The following STK3 variants were observed in gnomAD, a reference collection of about 807,000 sequenced individuals.
The protein encoded by STK3 is serine/threonine kinase 3.
STK3 carries 41 observed loss-of-function variants against 58.0 expected under a neutral mutation model. That is an observed-to-expected ratio of 0.71 (90% confidence interval 0.55 to 0.92). The LOEUF (loss-of-function observed/expected upper bound fraction) is 0.92, where lower values mean the gene tolerates loss of function less well. Among genes scored for constraint, STK3 ranks in the 40% least tolerant of loss-of-function variants. STK3 has a pLI of 0.00. For synonymous variants in STK3, 170 were observed against 191.0 expected (o/e 0.89, Z 0.91); for missense variants, 479 against 602.7 (o/e 0.79, Z 2.15).
At chr8:98,436,383 C>G (rs1019851422) in intron 2 of STK3, among the ~76,000 whole-genome samples, 1 of 152,188 alleles carries the variant, frequency 6.6e-6, no homozygotes, top group Admixed American at 6.5e-5. Flanking sequence ...CCACATCACC[C>G]ATGTGCATTG....
intron 1 of STK3, among the ~76,000 whole-genome samples, chr8:98,891,511 C>A (rs1838198104): frequency 6.6e-6 from 1 of 152,042 alleles, no homozygotes; most frequent in Non-Finnish European, 1.5e-5. Context: ...CATGGTATAG[C>A]ACTCTTGATA....
intron 6 of STK3, among the ~76,000 whole-genome samples, chr8:98,643,233 C>A (rs1180630390): frequency 6.6e-6 from 1 of 152,030 alleles, no homozygotes; most frequent in African/African-American, 2.4e-5. Context: ...AAATAAAATA[C>A]AATAAATGAA....
the STK3 span, among the ~76,000 whole-genome samples, chr8:98,350,313 A>C: frequency 6.6e-6 from 1 of 152,268 alleles, no homozygotes; most frequent in Non-Finnish European, 1.5e-5. Context: ...TCCATCTGAG[A>C]CCATCTCAGC....
At chr8:98,564,759 A>AT (rs34114556) in intron 8 of STK3, among the ~76,000 whole-genome samples, 10 of 152,116 alleles carry the variant, frequency 6.6e-5, no homozygotes, top group Admixed American at 3.9e-4. Flanking sequence ...TTATATATCA[A>AT]TTTTTTTTAA....
intron 1 of STK3, among the ~76,000 whole-genome samples, chr8:98,789,090 A>G (rs560363445): frequency 6.6e-6 from 1 of 152,370 alleles, no homozygotes; most frequent in East Asian, 1.9e-4. Context: ...ATAAAATGGA[A>G]AATCAACTCT....
chr8:98,910,991 G>A (rs180900149), intron 1 of STK3, among the ~76,000 whole-genome samples: 72 of 152,318 alleles, frequency 4.7e-4, no homozygotes, highest in Admixed American at 9.8e-4. Context: ...CTTCTGGTGA[G>A]GTCCATATAT....
At chr8:98,713,992 A>G (rs1197555774) in intron 4 of STK3, among the ~76,000 whole-genome samples, 1 of 152,208 alleles carries the variant, frequency 6.6e-6, no homozygotes, top group Admixed American at 6.5e-5. Context: ...AAATGAATAA[A>G]CATAATCCAG....
upstream of STK3, among the ~76,000 whole-genome samples, chr8:98,829,831 T>C (rs539506658): frequency 6.6e-6 from 1 of 152,324 alleles, no homozygotes; most frequent in South Asian, 2.1e-4. Context: ...ATTTACATTC[T>C]GGTTGGGGAA....
At chr8:98,778,230 C>G (rs1279258552) in intron 1 of STK3, among the ~76,000 whole-genome samples, 40 of 152,088 alleles carry the variant, frequency 2.6e-4, no homozygotes, top group Admixed American at 3.3e-4. Flanking sequence ...GATATGAACA[C>G]ACACTTCTCA....
chr8:98,907,309 C>T (rs981987986), intron 1 of STK3, among the ~76,000 whole-genome samples: 2 of 151,960 alleles, frequency 1.3e-5, no homozygotes, highest in African/African-American at 2.4e-5. Flanking sequence ...TTCAGGAGAT[C>T]GAGACCATCC....
chr8:98,709,280 A>C (rs927047695), intron 4 of STK3, among the ~76,000 whole-genome samples: 1 of 152,170 alleles, frequency 6.6e-6, no homozygotes, highest in African/African-American at 2.4e-5. Flanking sequence ...ACATTCAAGA[A>C]GGCCCAAAAG....
chr8:98,941,157 T>A (rs112392122), intron 1 of STK3, among the ~76,000 whole-genome samples: 2,499 of 152,342 alleles, frequency 0.016, 75 homozygotes, highest in African/African-American at 0.057. Flanking sequence ...GGCTGCGGAC[T>A]GCAGCCCGCG....
intron 1 of STK3, among the ~76,000 whole-genome samples, chr8:98,896,320 G>A (rs953383193): frequency 2.6e-5 from 4 of 152,122 alleles, no homozygotes; most frequent in Admixed American, 6.5e-5. Context: ...CTTTATGAAA[G>A]CAAAAAACTG....
Position 98,643,173 on chromosome 8 carries a change from G to A in STK3, c.685-47004C>T, listed in dbSNP as rs554908230. Among the ~76,000 whole-genome samples, 899 of 152,312 alleles carry A rather than the reference G, an allele frequency of 5.9e-3. 5 individuals carry two copies. The highest frequency in any genetic ancestry group is 8.7e-3 in the Non-Finnish European group (590 of 68,036). ...GCCTGGGAGATCAAGGCTGCAGTGAGACATGATTGCTCTCCACTGCCCTCC... is the reference window on the plus strand; with the variant it reads ...GCCTGGGAGATCAAGGCTGCAGTGAAACATGATTGCTCTCCACTGCCCTCC... On this transcript the variant is annotated intron_variant, in intron 6 of 10. Transcript: ENST00000419617.
chr8:98,844,081 A>G (rs993229154), intron 3 of STK3, among the ~76,000 whole-genome samples: 2 of 152,198 alleles, frequency 1.3e-5, no homozygotes, highest in African/African-American at 4.8e-5. Flanking sequence ...ACTTAAACCC[A>G]GGAGTTCAAG....
intron 4 of STK3, among the ~76,000 whole-genome samples, chr8:98,738,091 T>C (rs1192056151): frequency 5.3e-5 from 8 of 152,222 alleles, no homozygotes; most frequent in Admixed American, 2.6e-4. Context: ...TGATCATGCA[T>C]TGGAAAATAT....
At chr8:98,823,480 C>A (rs1372897827) in intron 1 of STK3, among the ~76,000 whole-genome samples, 1 of 152,190 alleles carries the variant, frequency 6.6e-6, no homozygotes, top group African/African-American at 2.4e-5. Context: ...GGGTGCACAG[C>A]CTTTGTAGCC....
intron 1 of STK3, among the ~76,000 whole-genome samples, chr8:98,918,010 G>A (rs949933917): frequency 6.6e-6 from 1 of 152,156 alleles, no homozygotes; most frequent in Non-Finnish European, 1.5e-5. Flanking sequence ...TTTCTATAGG[G>A]CAGACATTGT....
intron 1 of STK3, among the ~76,000 whole-genome samples, chr8:98,823,486 T>C (rs1408796025): frequency 6.6e-6 from 1 of 152,228 alleles, no homozygotes; most frequent in Non-Finnish European, 1.5e-5. Context: ...ACAGCCTTTG[T>C]AGCCAATCAG....
Sources: allele counts gnomAD v4.1 joint callset (sites outside exome capture counted in the v4.1 genomes callset), GRCh38; gene constraint gnomAD v4.1.1; transcripts MANE v1.5; gene names NCBI Gene and HGNC (gene_info 2026-07-23, HGNC 2026-07-21).